Variants in RUBCN observed in about 807,000 individuals in gnomAD.
The protein encoded by RUBCN is run domain Beclin-1-interacting and cysteine-rich domain-containing protein.
A neutral mutation model predicts 113.2 loss-of-function variants in RUBCN; 74 were observed. The observed-to-expected ratio is 0.65, with a 90% CI of 0.54 to 0.79. The LOEUF (loss-of-function observed/expected upper bound fraction) is 0.79, where lower values mean the gene tolerates loss of function less well. Among genes scored for constraint, RUBCN ranks in the 30% least tolerant of loss-of-function variants. The pLI is 0.00. For missense variants in RUBCN, 1,109 were observed against 1,251.7 expected (o/e 0.89, Z 1.72); for synonymous variants, 480 against 490.0 (o/e 0.98, Z 0.27).
intron 7 of RUBCN, among the ~76,000 whole-genome samples, chr3:197,699,641 C>T (rs1723415999): frequency 3.9e-5 from 6 of 152,136 alleles, no homozygotes; most frequent in Admixed American, 3.9e-4. Context: ...GGAGATTCTT[C>T]TCCTCAAGAT....
Position 197,674,908 on chromosome 3 carries a change from TAAAAAAAAAA to T in RUBCN, c.*100_*109del. On this transcript the variant is annotated 3_prime_UTR_variant, in exon 20 of 20. Coordinates refer to ENST00000296343, the MANE Select transcript of RUBCN (RefSeq NM_014687.4). ...AAAAAAAAAAAAAGATGATGATAATTAAAAAAAAAAAAAAAAAAAGAAGCCCCAGGTGGGG... is the reference window on the plus strand; with the variant it reads ...AAAAAAAAAAAAAGATGATGATAATTAAAAAAAAAGAAGCCCCAGGTGGGG... The T allele has an allele frequency of 4.8e-6, 3 of 625,652 alleles. No homozygotes were observed. In the South Asian group the frequency reaches 8.0e-5, roughly 17 times the overall value. The allele number at this position is 625,652 out of a possible 1,614,324, so 38.8% of individuals were successfully genotyped here. A position where few individuals can be genotyped will look rare whatever the true frequency, so the allele number is the denominator to read the frequency against.
At chr3:197,740,233 CTTT>C (rs922342900), upstream of RUBCN, among the ~76,000 whole-genome samples, 1 of 67,338 alleles carries the variant, frequency 1.5e-5, no homozygotes, top group African/African-American at 2.9e-5. Context: ...TGAACCCCTT[CTTT>C]TGTTTTTTTT....
intron 2 of RUBCN, among the ~76,000 whole-genome samples, chr3:197,710,271 T>A (rs1724809732): frequency 6.6e-6 from 1 of 151,432 alleles, no homozygotes; most frequent in African/African-American, 2.4e-5. Context: ...TTACTAAAAG[T>A]CAGATATTTT....
rs988874314 is a variant in RUBCN at position 197,670,466 on chromosome 3, A to G, written c.*4552T>C. Among the ~76,000 whole-genome samples, 3 of 152,208 alleles carry G rather than the reference A, an allele frequency of 2.0e-5. No individual in the cohort carries two copies. The highest frequency in any genetic ancestry group is 4.4e-5 in the Non-Finnish European group (3 of 68,036). ...ACAGTCTTTCCAATTTTGGAATATG[A>G]TCATCTAAAATCTAAGTTAAATGTT... On this transcript the variant is annotated 3_prime_UTR_variant, in exon 20 of 20. Transcript: ENST00000296343.
At position 197,728,021 on chromosome 3, in the gene RUBCN, C is replaced by G. The variant is rs563653519; in HGVS notation, c.65+8634G>C. ...CCTGTAGTCCCAGCTCCTCAGGAGG[C>G]TGAAGCAGGAGGACTGCCTGACCTA... On this transcript the variant is annotated intron_variant, in intron 1 of 19. Coordinates refer to ENST00000296343, the MANE Select transcript of RUBCN (RefSeq NM_014687.4). Among the ~76,000 whole-genome samples, 32 of 152,268 alleles carry G rather than the reference C, an allele frequency of 2.1e-4. No homozygotes were observed. The South Asian group carries it at 4.8e-3, about 23-fold the overall frequency.
rs1719592614 is a variant in RUBCN, at chr3:197,669,464, G to T, written c.*5554C>A. Among the ~76,000 whole-genome samples the T allele has an allele frequency of 6.6e-6, 1 of 152,174 alleles. No homozygotes were observed. Among genetic ancestry groups the T allele is most frequent in the Non-Finnish European group, 1.5e-5 (1 of 68,026 alleles). ...TTTTGCTCCTGTGTTTATGTTGTTTGTTGTTTTTCTCATGATTAGACTGAG... is the reference window on the plus strand; with the variant it reads ...TTTTGCTCCTGTGTTTATGTTGTTTTTTGTTTTTCTCATGATTAGACTGAG... On this transcript the variant is annotated 3_prime_UTR_variant, in exon 20 of 20. Coordinates refer to ENST00000296343, the MANE Select transcript of RUBCN (RefSeq NM_014687.4).
In RUBCN at chr3:197,731,685, C is replaced by T. The variant is rs576049630; in HGVS notation, c.65+4970G>A. 2.6e-5 allele frequency among the ~76,000 whole-genome samples: 4 copies of T among 151,968 alleles called. No homozygotes were observed. The East Asian group carries it at 7.8e-4, about 30-fold the overall frequency. On this transcript the variant is annotated intron_variant, in intron 1 of 19. Coordinates refer to ENST00000296343, the MANE Select transcript of RUBCN (RefSeq NM_014687.4). ...CCGGGCAGAGGGGCTCCTCACTTCC[C>T]AGTAGGGGCAGCCGGGCAGAGGCGC...
At chr3:197,733,489 TATAA>T (rs917149153) in intron 1 of RUBCN, among the ~76,000 whole-genome samples, 132 of 152,240 alleles carry the variant, frequency 8.7e-4, no homozygotes, top group African/African-American at 3.0e-3. Flanking sequence ...CTTTAAAATA[TATAA>T]ATAAATAAAT....
At chr3:197,739,446 C>T (rs1203840508), upstream of RUBCN, among the ~76,000 whole-genome samples, 1 of 150,204 alleles carries the variant, frequency 6.7e-6, no homozygotes, top group Non-Finnish European at 1.5e-5. Context: ...GTAATCCCAG[C>T]ACTTTGGGAG....
Position 197,683,626 on chromosome 3 carries a change from C to T in RUBCN, c.1848-187G>A, listed in dbSNP as rs1721513982. On this transcript the variant is annotated intron_variant, in intron 12 of 19. Transcript: ENST00000296343. The surrounding 1 kb of genome is among the most constrained non-coding windows in gnomAD (Gnocchi z 4.6). ...CACTAGTCTCACGGTCCTAAGACTTCGGTTCAAGCCCCACTTCCTGCCACT... is the reference window on the plus strand; with the variant it reads ...CACTAGTCTCACGGTCCTAAGACTTTGGTTCAAGCCCCACTTCCTGCCACT... Among the ~76,000 whole-genome samples, 1 of 152,186 alleles carries T rather than the reference C, an allele frequency of 6.6e-6. No individual in the cohort carries two copies. Among genetic ancestry groups the T allele is most frequent in the Admixed American group, 6.5e-5 (1 of 15,284 alleles).
upstream of RUBCN, among the ~76,000 whole-genome samples, chr3:197,738,707 A>C (rs1160602050): frequency 6.6e-6 from 1 of 151,578 alleles, no homozygotes; most frequent in Non-Finnish European, 1.5e-5. Context: ...TCAGCTTCCC[A>C]AGTAGCTGGG....
At chr3:197,718,270 AAACTC>A in intron 1 of RUBCN, 140 bp from the exon 2 acceptor site, 1 of 882,862 alleles carries the variant, frequency 1.1e-6, no homozygotes, top group Non-Finnish European at 1.9e-6. Context: ...CTTGGGCACA[AAACTC>A]AACTCTGAGA....
chr3:197,738,777 A>T (rs1227989838), upstream of RUBCN, among the ~76,000 whole-genome samples: 3 of 151,368 alleles, frequency 2.0e-5, no homozygotes, highest in Non-Finnish European at 1.5e-5. Flanking sequence ...TTTTTGGTAG[A>T]GACAGGGTCT....
At chr3:197,718,504 T>C (rs939560270) in intron 1 of RUBCN, among the ~76,000 whole-genome samples, 3 of 152,274 alleles carry the variant, frequency 2.0e-5, no homozygotes, top group Non-Finnish European at 4.4e-5. Flanking sequence ...GGCTGAAGTG[T>C]GGTGGCATGA....
At chr3:197,687,454 A>G (rs1168882704) in intron 11 of RUBCN, among the ~76,000 whole-genome samples, 1 of 152,206 alleles carries the variant, frequency 6.6e-6, no homozygotes, top group East Asian at 1.9e-4. Flanking sequence ...CTGCTCTGCA[A>G]TAACGGAGCT....
At chr3:197,749,275 C>A (rs763064868) in exon 1 of RUBCN, 49 of 1,057,704 alleles carry the variant, frequency 4.6e-5, no homozygotes, top group Non-Finnish European at 5.3e-5. Context: ...TTACCCCTCC[C>A]GAGGGAAGCT....
rs1217087312 is a variant in RUBCN at position 197,700,597 on chromosome 3, C to T, written c.1261+16G>A. 8.1e-6 allele frequency: 13 copies of T among 1,613,800 alleles called. No homozygotes were observed. Among genetic ancestry groups the T allele is most frequent in the South Asian group, 7.7e-5 (7 of 91,078 alleles). On this transcript the variant is annotated intron_variant, in intron 7 of 19. Coordinates refer to ENST00000296343, the MANE Select transcript of RUBCN (RefSeq NM_014687.4). ...CAGGGTCATCTTGCTAACTAGCAGCCGGTGTTCCTCATTACCTGGAGCTCC... is the reference window on the plus strand; with the variant it reads ...CAGGGTCATCTTGCTAACTAGCAGCTGGTGTTCCTCATTACCTGGAGCTCC...
intron 13 of RUBCN, 34 bp from the exon 14 acceptor site, chr3:197,682,649 T>A: frequency 3.1e-6 from 5 of 1,601,766 alleles, no homozygotes; most frequent in Middle Eastern, 3.3e-4. Flanking sequence ...GGTAAGCTCG[T>A]GTCAGTGTGC....
In RUBCN at chr3:197,681,764, C is replaced by A; in HGVS notation, c.2191+71G>T. On this transcript the variant is annotated intron_variant, in intron 15 of 19. Transcript: ENST00000296343. This position sits in a 1 kb window ranked among gnomAD's most constrained non-coding sequence, Gnocchi z 5.5. ...CCTCCTGCTACCGCCTTTGACACGC[C>A]ACCTCTCCCTACGTGTCGGGGAGGG... The A allele has an allele frequency of 7.3e-7, 1 of 1,377,046 alleles. No homozygotes were observed. The highest frequency in any genetic ancestry group is 1.0e-6 in the Non-Finnish European group (1 of 963,952). 85.3% of individuals were successfully genotyped at this position (1,377,046 alleles called of 1,614,324 possible). A position where few individuals can be genotyped will look rare whatever the true frequency, so the allele number is the denominator to read the frequency against.
Sources: gnomAD v4.1 joint callset for allele counts (sites outside exome capture counted in the v4.1 genomes callset) on GRCh38, gnomAD v4.1.1 for gene constraint, Gnocchi (gnomAD v3.1) non-coding constraint, MANE v1.5 for transcripts, NCBI Gene and HGNC (gene_info 2026-07-23, HGNC 2026-07-21) for gene names.